MEGF6: variants seen among roughly 807,000 people sequenced by gnomAD.
The protein encoded by MEGF6 is multiple epidermal growth factor-like domains protein 6.
In MEGF6, 184 loss-of-function variants were observed where a neutral mutation model predicts 207.1. The observed-to-expected ratio is 0.89, with a 90% CI of 0.79 to 1.00. MEGF6 has a LOEUF of 1.00. Ranked by LOEUF, MEGF6 falls within the 50% of genes least tolerant of loss-of-function variation. The pLI, the probability that MEGF6 is intolerant of heterozygous loss-of-function variation, is 0.00. For missense variants in MEGF6, 2,282 were observed against 2,202.9 expected (o/e 1.04, Z -0.72); for synonymous variants, 1,038 against 910.0 (o/e 1.14, Z -2.53).
rs555853771 is a variant in MEGF6, at chr1:3,533,511, C to T, written c.482-9265G>A. Among the ~76,000 whole-genome samples, 16 of 152,354 alleles carry T rather than the reference C, an allele frequency of 1.1e-4. 1 individual carries two copies. The highest frequency in any genetic ancestry group is 3.1e-4 in the African/African-American group (13 of 41,578). On this transcript the variant is annotated intron_variant, in intron 4 of 36. Coordinates refer to ENST00000356575, the MANE Select transcript of MEGF6 (RefSeq NM_001409.4). Reference sequence around the variant, plus strand: ...AGTGCCAACAGAAGCTCGAGGGTCCCGCCCTCCGCAGCCACAGCCCAACAG... The same window carrying T: ...AGTGCCAACAGAAGCTCGAGGGTCCTGCCCTCCGCAGCCACAGCCCAACAG...
At chr1:3,517,953 A>G (rs2820995) in intron 5 of MEGF6, among the ~76,000 whole-genome samples, 148,601 of 152,336 alleles carry the variant, frequency 0.98, 72,580 homozygotes, top group East Asian at 1. Flanking sequence ...GATGGTCAGC[A>G]TGCATAATCG....
At chr1:3,493,138 G>T (rs74050549) in intron 34 of MEGF6, 5,386 of 291,692 alleles carry the variant, frequency 0.018, 250 homozygotes, top group African/African-American at 0.11. Flanking sequence ...AGCCCCAGCA[G>T]GTGAGCCCCT....
rs200460336 is a variant in MEGF6, at chr1:3,579,934, G to A, written c.377-5C>T. The stretch of plus-strand genomic sequence containing the variant: ...AGAGGCTGGCGCTGCATTCAGCTGC[G>A]GAGGGAAGGAGAAAATCGGTGAGAG... On this transcript the variant is annotated splice_region_variant and splice_polypyrimidine_tract_variant and intron_variant, in intron 3 of 36. Transcript: ENST00000356575. The A allele has an allele frequency of 5.7e-5, 86 of 1,513,852 alleles. No homozygotes were observed. In the African/African-American group the frequency reaches 6.2e-4, roughly 11 times the overall value. The allele number at this position is 1,513,852 out of a possible 1,614,324, so 93.8% of individuals were successfully genotyped here.
intron 33 of MEGF6, 41 bp from the exon 34 acceptor site, chr1:3,493,940 C>CAGGGGG: frequency 6.3e-7 from 1 of 1,582,094 alleles, no homozygotes; most frequent in Non-Finnish European, 8.6e-7. Context: ...TCCTGTCCTG[C>CAGGGGG]ACCCAGACGG....
chr1:3,539,513 A>G (rs905161408), intron 4 of MEGF6, among the ~76,000 whole-genome samples: 13 of 152,062 alleles, frequency 8.5e-5, no homozygotes, highest in East Asian at 3.9e-4. Flanking sequence ...CACAGGGGGA[A>G]CGTGACTTGG....
At chr1:3,531,837 CGGG>C (rs1366939918) in intron 4 of MEGF6, among the ~76,000 whole-genome samples, 4 of 136,246 alleles carry the variant, frequency 2.9e-5, no homozygotes, top group Non-Finnish European at 6.5e-5. Context: ...GGCCGCGGGG[CGGG>C]GGAGGGGGGC....
At chr1:3,495,794 G>A (rs1640573203) in intron 30 of MEGF6, 96 bp downstream of exon 30, 2 of 1,455,658 alleles carry the variant, frequency 1.4e-6, no homozygotes, top group South Asian at 1.3e-5. Context: ...ATGTGCGGGT[G>A]TCTGGGCTGG....
intron 4 of MEGF6, among the ~76,000 whole-genome samples, chr1:3,531,603 G>A (rs1259197038): frequency 2.6e-5 from 4 of 151,252 alleles, no homozygotes; most frequent in African/African-American, 7.3e-5. Context: ...GGACCCGGAC[G>A]CAGATAGGGA....
upstream of MEGF6, among the ~76,000 whole-genome samples, chr1:3,614,147 C>T (rs59300619): frequency 0.021 from 3,143 of 152,292 alleles, 123 homozygotes; most frequent in African/African-American, 0.071. Flanking sequence ...CGTCCATAGA[C>T]AGAACCCTCA....
intron 4 of MEGF6, among the ~76,000 whole-genome samples, chr1:3,554,634 G>A (rs1642982951): frequency 6.6e-6 from 1 of 152,180 alleles, no homozygotes; most frequent in Admixed American, 6.5e-5. Flanking sequence ...CCCCAGGCAG[G>A]TGCTCCAGAG....
In MEGF6 at chr1:3,508,590, G is replaced by C. The variant is rs1191099304; in HGVS notation, c.1628C>G (p.Pro543Arg). 1.2e-6 allele frequency: 2 copies of C among 1,613,428 alleles called. No individual in the cohort carries two copies. The change falls in exon 13 of 37, where the codon CCC becomes CGC. Residue 543 changes from proline (P) to arginine (R), a missense_variant. By Grantham distance (103) the Pro-to-Arg change is moderately radical. Transcript: ENST00000356575. ...GCAGATGAGCCCAGTCCAGCCCTCG[G>C]GGCAATCACAGCCATCCAGGCCCAG... is the stretch of plus-strand genomic sequence containing the variant. ...CLLGLDGCDC[P>R]EGWTGLICNE...
In MEGF6 at chr1:3,560,677, AC is replaced by A; in HGVS notation, c.481+19147del. 1 of 449,424 alleles carries A rather than the reference AC, an allele frequency of 2.2e-6. No homozygotes were observed. The highest frequency in any genetic ancestry group is 2.1e-5 in the African/African-American group (1 of 48,762). The allele number at this position is 449,424 out of a possible 1,614,324, so 27.8% of individuals were successfully genotyped here. The stretch of plus-strand genomic sequence containing the variant: ...GCTTGGGGGAGGCTGGGTGCCATCA[AC>A]CCCTCCCCATCTGTGGTTTCCAGGG... On this transcript the variant is annotated intron_variant, in intron 4 of 36. Transcript: ENST00000356575. The surrounding 1 kb of genome is among the most constrained non-coding windows in gnomAD (Gnocchi z 4.0).
At position 3,501,108 on chromosome 1, in the gene MEGF6, A is replaced by T. The variant is rs114976020; in HGVS notation, c.2447-14T>A. 6.2e-7 allele frequency: 1 copy of T among 1,612,610 alleles called. No individual in the cohort carries two copies. The highest frequency in any genetic ancestry group is 1.1e-5 in the South Asian group (1 of 91,072). The stretch of plus-strand genomic sequence containing the variant: ...CTGCTGGGCACACTACAGGCAGGCG[A>T]GAGAGGGTGAGTGGGGCCTGGCCAC... On this transcript the variant is annotated splice_polypyrimidine_tract_variant and intron_variant, in intron 19 of 36. Coordinates refer to ENST00000356575, the MANE Select transcript of MEGF6 (RefSeq NM_001409.4).
chr1:3,613,085 A>G (rs1644348897), upstream of MEGF6, among the ~76,000 whole-genome samples: 1 of 152,226 alleles, frequency 6.6e-6, no homozygotes, highest in Non-Finnish European at 1.5e-5. Flanking sequence ...GGAATCCCCA[A>G]GAGGTGAGCT....
intron 26 of MEGF6, among the ~76,000 whole-genome samples, chr1:3,497,997 C>T (rs559308412): frequency 3.6e-3 from 549 of 152,254 alleles, no homozygotes; most frequent in Non-Finnish European, 6.0e-3. Context: ...GCAGCCACAG[C>T]CAGACTCCCA....
intron 5 of MEGF6, among the ~76,000 whole-genome samples, chr1:3,522,447 C>G (rs571762025): frequency 2.0e-5 from 3 of 152,324 alleles, no homozygotes; most frequent in Admixed American, 2.0e-4. Flanking sequence ...GCCCTGGCAT[C>G]TGGCCCGGAG....
rs1401691886 is a variant in MEGF6 at position 3,573,299 on chromosome 1, G to A, written c.481+6526C>T. Among the ~76,000 whole-genome samples the A allele has an allele frequency of 2.0e-5, 3 of 152,186 alleles. No homozygotes were observed. The South Asian group carries it at 6.2e-4, about 31-fold the overall frequency. ...GCCAGGTAACCCCTAGTCCTCCTGG[G>A]GCATGCTAGGATCATTTCTCACACC... On this transcript the variant is annotated intron_variant, in intron 4 of 36. Coordinates refer to ENST00000356575, the MANE Select transcript of MEGF6 (RefSeq NM_001409.4). The surrounding 1 kb of genome is among the most constrained non-coding windows in gnomAD (Gnocchi z 5.1).
chr1:3,562,654 G>A (rs1643236001), intron 4 of MEGF6, among the ~76,000 whole-genome samples: 1 of 152,238 alleles, frequency 6.6e-6, no homozygotes, highest in Admixed American at 6.5e-5. Context: ...GCCAGGGGTG[G>A]GCTGGAGCCT....
chr1:3,525,400 G>A (rs571977843), intron 4 of MEGF6, among the ~76,000 whole-genome samples: 22 of 152,340 alleles, frequency 1.4e-4, no homozygotes, highest in Admixed American at 5.2e-4. Context: ...CCGCATCTGC[G>A]CTGCCTGGAC....
Sources: gnomAD v4.1 joint callset for allele counts (sites outside exome capture counted in the v4.1 genomes callset) on GRCh38, gnomAD v4.1.1 for gene constraint, Gnocchi (gnomAD v3.1) non-coding constraint, MANE v1.5 for transcripts, NCBI Gene and HGNC (gene_info 2026-07-23, HGNC 2026-07-21) for gene names.